Variants in ARHGAP27 observed in about 807,000 individuals in gnomAD.
ARHGAP27 encodes rho GTPase-activating protein 27.
In ARHGAP27, 53 loss-of-function variants were observed where a neutral mutation model predicts 102.0. The ratio of observed to expected loss-of-function variants is 0.52; its 90% confidence interval spans 0.42 to 0.65. The LOEUF is 0.65. Among genes scored for constraint, ARHGAP27 ranks in the 30% least tolerant of loss-of-function variants. The pLI, the probability that ARHGAP27 is intolerant of heterozygous loss-of-function variation, is 0.00. For synonymous variants in ARHGAP27, 525 were observed against 542.8 expected (o/e 0.97, Z 0.46); for missense variants, 1,117 against 1,256.2 (o/e 0.89, Z 1.68).
At chr17:45,423,181 T>A (rs949045466) in intron 4 of ARHGAP27, among the ~76,000 whole-genome samples, 51 of 151,846 alleles carry the variant, frequency 3.4e-4, no homozygotes, top group African/African-American at 1.0e-3. Flanking sequence ...AAAATAAAAT[T>A]AAAATAAAAA....
In ARHGAP27 at chr17:45,395,388, C is replaced by A; in HGVS notation, c.*68G>T. 1.3e-6 allele frequency: 2 copies of A among 1,492,698 alleles called. No homozygotes were observed. The highest frequency in any genetic ancestry group is 1.3e-5 in the South Asian group (1 of 75,590). The allele number at this position is 1,492,698 out of a possible 1,614,324, so 92.5% of individuals were successfully genotyped here. A position where few individuals can be genotyped will look rare whatever the true frequency, so the allele number is the denominator to read the frequency against. On this transcript the variant is annotated 3_prime_UTR_variant, in exon 20 of 20. Transcript: ENST00000685559. Reference sequence around the variant, plus strand: ...GGGTCCCAGAGAGAAGAAGGCCCGGCTGCGTGGCCTCCGCCGCCCAGCTTG... The same window carrying A: ...GGGTCCCAGAGAGAAGAAGGCCCGGATGCGTGGCCTCCGCCGCCCAGCTTG...
chr17:45,402,327 C>A (rs1465496513), intron 12 of ARHGAP27, among the ~76,000 whole-genome samples: 4 of 152,158 alleles, frequency 2.6e-5, no homozygotes, highest in African/African-American at 9.7e-5. Flanking sequence ...TCCTCACCAC[C>A]CTCCAGGGCA....
rs1178231626 is a variant in ARHGAP27, at chr17:45,410,275, A to G, written c.658-4192T>C. On this transcript the variant is annotated intron_variant, in intron 4 of 19. Transcript: ENST00000685559. The stretch of plus-strand genomic sequence containing the variant: ...ACTCTGCCTCCTGGTCACTTTGGCG[A>G]TTATGTCCACCATCCTGGCCCCTCT... The G allele has an allele frequency of 2.6e-6, 4 of 1,532,532 alleles. No individual in the cohort carries two copies. The African/African-American group carries it at 5.5e-5, about 21-fold the overall frequency. 94.9% of individuals were successfully genotyped at this position (1,532,532 alleles called of 1,614,324 possible).
At chr17:45,428,328 C>T (rs2049801354) in intron 4 of ARHGAP27, among the ~76,000 whole-genome samples, 2 of 152,268 alleles carry the variant, frequency 1.3e-5, no homozygotes, top group South Asian at 4.1e-4. Context: ...GGTGGACCCC[C>T]TGCTGCTGTC....
chr17:45,423,091 G>A (rs1442213512), intron 4 of ARHGAP27, among the ~76,000 whole-genome samples: 2 of 152,100 alleles, frequency 1.3e-5, no homozygotes. Flanking sequence ...TGAGGCAGGA[G>A]AATCACTTGA....
intron 4 of ARHGAP27, among the ~76,000 whole-genome samples, chr17:45,425,246 C>T (rs1003541761): frequency 6.6e-6 from 1 of 151,836 alleles, no homozygotes; most frequent in African/African-American, 2.4e-5. Flanking sequence ...TGGGGGGTGC[C>T]GGAGGAGGGA....
At chr17:45,397,577 G>A in intron 13 of ARHGAP27, 1 of 239,780 alleles carries the variant, frequency 4.2e-6, no homozygotes, top group Admixed American at 5.3e-5. Context: ...TGCAATTGGT[G>A]TTTTCAGCCT....
At position 45,396,810 on chromosome 17, in the gene ARHGAP27, G is replaced by A; in HGVS notation, c.1952-20C>T. On this transcript the variant is annotated intron_variant, in intron 14 of 19. Transcript: ENST00000685559. ...GCGCGGCTGCCGCGGGGAAAGGCAG[G>A]ACTGAGTCAGGAGGCAGCGCCAGGG... The A allele has an allele frequency of 6.2e-7, 1 of 1,608,724 alleles. No individual in the cohort carries two copies. The highest frequency in any genetic ancestry group is 8.5e-7 in the Non-Finnish European group (1 of 1,177,852).
In ARHGAP27 at chr17:45,396,653, G is replaced by C. The variant is rs377050115; in HGVS notation, c.2074+15C>G. 7 of 1,612,930 alleles carry C rather than the reference G, an allele frequency of 4.3e-6. No homozygotes were observed. The African/African-American group carries it at 9.3e-5, about 22-fold the overall frequency. On this transcript the variant is annotated intron_variant, in intron 15 of 19. Transcript: ENST00000685559. ...TCCCGGTCCCGGGTCCCCGCCCCCC[G>C]CAGGCCTCGGGTACCTTTGATGTAG...
In ARHGAP27 at chr17:45,404,528, C is replaced by G; in HGVS notation, c.1330G>C (p.Val444Leu). 1.2e-6 allele frequency: 2 copies of G among 1,613,282 alleles called. No individual in the cohort carries two copies. The highest frequency in any genetic ancestry group is 1.7e-6 in the Non-Finnish European group (2 of 1,179,740). Residue 444 changes from valine to leucine, a missense_variant and splice_region_variant, in exon 8 of 20, where the codon GTC becomes CTC. Physicochemically the swap from Val to Leu is conservative, Grantham distance 32 (BLOSUM62 1). Transcript: ENST00000685559. ...ATGCTTCGAGGGGCAGGGACAGGGA[C>G]CTGGGGAGAAAGACACAGTCGTATA... ...DSSVRWELPQVPVPAPRSIHK... is the reference protein window; with the variant it reads ...DSSVRWELPQLPVPAPRSIHK...
chr17:45,401,556 T>C (rs1197128913), intron 12 of ARHGAP27: 1 of 152,228 alleles, frequency 6.6e-6, no homozygotes, highest in African/African-American at 2.4e-5. Flanking sequence ...GTCATGCTCT[T>C]GGCCTTCATC....
intron 4 of ARHGAP27, chr17:45,409,983 T>C (rs2047707674): frequency 2.0e-6 from 1 of 504,652 alleles, no homozygotes; most frequent in Admixed American, 4.0e-5. Flanking sequence ...AGCCCCCTGG[T>C]ACTGCCTTAC....
intron 4 of ARHGAP27, among the ~76,000 whole-genome samples, chr17:45,429,010 G>A (rs1458578350): frequency 1.3e-5 from 2 of 152,182 alleles, no homozygotes; most frequent in African/African-American, 2.4e-5. Flanking sequence ...CCCATCAAGA[G>A]TTCTTTAAAA....
At chr17:45,404,568 C>G (rs114162360) in intron 7 of ARHGAP27, 33 bp downstream of exon 7, 2 of 1,613,892 alleles carry the variant, frequency 1.2e-6, no homozygotes, top group Admixed American at 3.3e-5. Flanking sequence ...CTCTTCCTCT[C>G]TCCCCAACAC....
intron 15 of ARHGAP27, 30 bp downstream of exon 15, chr17:45,396,638 G>A (rs369448356): frequency 8.1e-6 from 13 of 1,612,246 alleles, no homozygotes; most frequent in Non-Finnish European, 1.1e-5. Context: ...TCCCGGTCCC[G>A]GGTCCCCGCC....
At chr17:45,410,249 G>A (rs745493441) in intron 4 of ARHGAP27, 35 of 1,533,554 alleles carry the variant, frequency 2.3e-5, no homozygotes, top group South Asian at 4.8e-5. Context: ...GGCAAGGCTC[G>A]ACTCTGCCTC....
intron 10 of ARHGAP27, 146 bp downstream of exon 10, chr17:45,403,883 T>C: frequency 9.4e-7 from 1 of 1,064,372 alleles, no homozygotes; most frequent in East Asian, 2.6e-5. Flanking sequence ...AGCAAGTCAC[T>C]TTATCTCACA....
At position 45,420,127 on chromosome 17, in the gene ARHGAP27, C is replaced by T. The variant is rs72834508; in HGVS notation, c.657+9496G>A. 4.9e-3 allele frequency among the ~76,000 whole-genome samples: 748 copies of T among 152,252 alleles called. 5 individuals are homozygous for T. The highest frequency in any genetic ancestry group is 0.024 in the Middle Eastern group (7 of 294). On this transcript the variant is annotated intron_variant, in intron 4 of 19. Transcript: ENST00000685559. ...CCTACTTCTACCTGTACATATATAA[C>T]AGTATTCATTATGACATTGTTGTAA...
In ARHGAP27 at chr17:45,429,760, T is replaced by C; in HGVS notation, c.520A>G (p.Ser174Gly). Residue 174 changes from serine (S) to glycine (G), a missense_variant, in exon 4 of 20, where the codon AGC becomes GGC. By Grantham distance (56) the Ser-to-Gly change is moderately conservative (BLOSUM62 0). Around this residue, in one of 3 missense-constraint regions of ARHGAP27, gnomAD observed 610 missense variants for 716.4 expected, o/e 0.85. Coordinates refer to ENST00000685559, the MANE Select transcript of ARHGAP27 (RefSeq NM_001282290.2). ...CTGCAGGCCTTGAAGCTGCCGCTGC[T>C]TCCTAGGAGGCCGGCGGGAGGCGAG... ...AVSPPAGLLG[S>G]SGSFKACSVA... is the part of the protein sequence containing the mutation. 1.3e-6 allele frequency: 2 copies of C among 1,533,380 alleles called. No individual in the cohort carries two copies. Among genetic ancestry groups the C allele is most frequent in the Non-Finnish European group, 1.8e-6 (2 of 1,141,344 alleles). 95.0% of individuals were successfully genotyped at this position (1,533,380 alleles called of 1,614,324 possible).
Sources: gnomAD v4.1 joint callset for allele counts (sites outside exome capture counted in the v4.1 genomes callset) on GRCh38, gnomAD v4.1.1 for gene constraint, gnomAD v4.1.1 regional missense constraint, MANE v1.5 for transcripts, NCBI Gene and HGNC (gene_info 2026-07-23, HGNC 2026-07-21) for gene names.